Variants in CELF2 observed in about 807,000 individuals in gnomAD.
CELF2 encodes CUGBP Elav-like family member 2.
CELF2 carries 8 observed loss-of-function variants against 62.6 expected under a neutral mutation model. The observed-to-expected ratio is 0.13, with a 90% CI of 0.07 to 0.23. CELF2 has a LOEUF of 0.23. Among genes scored for constraint, CELF2 ranks in the 10% least tolerant of loss-of-function variants. The probability of loss-of-function intolerance (pLI) is 1.00; values close to 1 mark genes in which losing one functional copy is unlikely to be tolerated. For missense variants in CELF2, 333 were observed against 671.0 expected, an observed-to-expected ratio of 0.50 and a Z score of 5.56; for synonymous variants, 258 against 250.0, an observed-to-expected ratio of 1.03 and a Z score of -0.30.
Position 10,881,327 on chromosome 10 carries a change from A to G in CELF2, c.54-38637A>G, listed in dbSNP as rs77367948. Among the ~76,000 whole-genome samples the G allele has an allele frequency of 1.8e-4, 27 of 152,334 alleles. No individual in the cohort carries two copies. In the East Asian group the frequency reaches 5.2e-3, roughly 29 times the overall value. ...ACAGTTGCCTTAAAATCTGAAAGCC[A>G]TCTGGCTGCGTACAGAATTCATGAG... On this transcript the variant is annotated intron_variant, in intron 1 of 13. Transcript: ENST00000636488.
Position 11,306,436 on chromosome 10 carries a change from C to T in CELF2, c.977-7703C>T, listed in dbSNP as rs1474633121. On this transcript the variant is annotated intron_variant, in intron 9 of 12. Transcript: ENST00000633077. This position sits in a 1 kb window ranked among gnomAD's most constrained non-coding sequence, Gnocchi z 4.4. ...TGGAGAGTCTGGGTGTTGGTGGCAC[C>T]GCATGTGTCTCTGTCTAAGACCTCT... Among the ~76,000 whole-genome samples, 4 of 151,924 alleles carry T rather than the reference C, an allele frequency of 2.6e-5. No individual in the cohort carries two copies. Among genetic ancestry groups the T allele is most frequent in the South Asian group, 4.2e-4 (2 of 4,814 alleles).
intron 1 of CELF2, among the ~76,000 whole-genome samples, chr10:11,074,463 A>G (rs1344612268): frequency 6.6e-6 from 1 of 152,212 alleles, no homozygotes; most frequent in African/African-American, 2.4e-5. Context: ...TCCGTTTTCC[A>G]AATATCTTAG....
intron 9 of CELF2, 132 bp downstream of exon 9, chr10:11,288,684 A>G: frequency 1.0e-6 from 1 of 952,660 alleles, no homozygotes; most frequent in Non-Finnish European, 1.5e-6. Flanking sequence ...GGGCTGCTTT[A>G]TGTCATTGGG....
At chr10:10,561,360 G>T in the CELF2 span, among the ~76,000 whole-genome samples, 29 of 152,132 alleles carry the variant, frequency 1.9e-4, no homozygotes, top group Non-Finnish European at 3.2e-4. Context: ...GCTCCTATGT[G>T]TTGGAAAGTA....
At chr10:10,899,922 G>T (rs1203107518) in intron 1 of CELF2, among the ~76,000 whole-genome samples, 1 of 152,194 alleles carries the variant, frequency 6.6e-6, no homozygotes, top group African/African-American at 2.4e-5. Context: ...ATTACAATTT[G>T]ACATGAGATT....
intron 1 of CELF2, among the ~76,000 whole-genome samples, chr10:11,037,219 G>A (rs2061101327): frequency 6.6e-6 from 1 of 152,240 alleles, no homozygotes. Context: ...GCAAGCAAGA[G>A]CACATGTGCA....
At chr10:10,635,024 G>A in the CELF2 span, among the ~76,000 whole-genome samples, 2 of 152,114 alleles carry the variant, frequency 1.3e-5, no homozygotes, top group African/African-American at 4.8e-5. Flanking sequence ...CAGAAGAGAT[G>A]GACAAAGGGT....
At chr10:11,235,507 T>C (rs2070868935) in intron 3 of CELF2, among the ~76,000 whole-genome samples, 1 of 152,206 alleles carries the variant, frequency 6.6e-6, no homozygotes, top group South Asian at 2.1e-4. Flanking sequence ...CCAACCAGTA[T>C]TTTCCAAAGT....
At chr10:11,030,784 C>T (rs937142668) in intron 1 of CELF2, 1 of 152,194 alleles carries the variant, frequency 6.6e-6, no homozygotes, top group African/African-American at 2.4e-5. Context: ...TTGTTCTGTG[C>T]TCTTCCACAT....
rs577957822 is a variant in CELF2, at chr10:11,285,370, G to C, written c.842-3048G>C. Among the ~76,000 whole-genome samples the C allele has an allele frequency of 4.6e-5, 7 of 152,132 alleles. No homozygotes were observed. The highest frequency in any genetic ancestry group is 1.7e-4 in the African/African-American group (7 of 41,388). On this transcript the variant is annotated intron_variant, in intron 8 of 12. Coordinates refer to ENST00000633077, the MANE Select transcript of CELF2 (RefSeq NM_001326342.2). The surrounding 1 kb of genome is among the most constrained non-coding windows in gnomAD (Gnocchi z 4.3). ...AGCTATGCCCCCGTGTGGTGCCTCAGAGACTCAGCCACTCCCCCTGGACTT... is the reference window on the plus strand; with the variant it reads ...AGCTATGCCCCCGTGTGGTGCCTCACAGACTCAGCCACTCCCCCTGGACTT...
At chr10:10,646,116 A>G in the CELF2 span, among the ~76,000 whole-genome samples, 1 of 152,190 alleles carries the variant, frequency 6.6e-6, no homozygotes, top group Non-Finnish European at 1.5e-5. Flanking sequence ...GTTACTAGGC[A>G]TGTGTTGGTC....
the CELF2 span, among the ~76,000 whole-genome samples, chr10:10,573,521 C>G: frequency 6.6e-6 from 1 of 152,144 alleles, no homozygotes; most frequent in Non-Finnish European, 1.5e-5. Flanking sequence ...GGGTGGTAAT[C>G]TGTACCAAAG....
chr10:10,654,130 C>A, the CELF2 span, among the ~76,000 whole-genome samples: 31 of 143,964 alleles, frequency 2.2e-4, 1 homozygote, highest in Admixed American at 8.3e-4. Context: ...GAAATGGATA[C>A]ATTCCTTGAC....
chr10:11,230,658 G>A (rs947749456), intron 3 of CELF2, among the ~76,000 whole-genome samples: 1 of 152,212 alleles, frequency 6.6e-6, no homozygotes, highest in Admixed American at 6.5e-5. Flanking sequence ...ATCCTTGAAT[G>A]AGCAACTGGG....
chr10:11,166,550 T>G (rs563565096), intron 2 of CELF2, among the ~76,000 whole-genome samples: 28 of 152,312 alleles, frequency 1.8e-4, no homozygotes, highest in African/African-American at 6.5e-4. Context: ...CGTTTTTGCT[T>G]TAGTAATTTT....
intron 1 of CELF2, among the ~76,000 whole-genome samples, chr10:11,093,028 TAGG>T (rs1257469572): frequency 1.3e-5 from 2 of 152,238 alleles, no homozygotes; most frequent in Admixed American, 6.5e-5. Flanking sequence ...TGTGTAATAA[TAGG>T]AGGCTGTACG....
At chr10:10,875,407 A>G (rs1764484007) in intron 1 of CELF2, among the ~76,000 whole-genome samples, 1 of 152,188 alleles carries the variant, frequency 6.6e-6, no homozygotes, top group African/African-American at 2.4e-5. Context: ...GGATTTTTAT[A>G]TAGTCTGCTC....
At chr10:10,486,456 T>G in the CELF2 span, among the ~76,000 whole-genome samples, 1 of 152,232 alleles carries the variant, frequency 6.6e-6, no homozygotes, top group African/African-American at 2.4e-5. Flanking sequence ...AAGTAACTTT[T>G]ACATTTTACA....
At chr10:10,617,109 T>A in the CELF2 span, among the ~76,000 whole-genome samples, 1 of 152,236 alleles carries the variant, frequency 6.6e-6, no homozygotes, top group East Asian at 1.9e-4. Flanking sequence ...AATAACAATT[T>A]TACATACAGC....
Sources: allele counts gnomAD v4.1 joint callset (sites outside exome capture counted in the v4.1 genomes callset), GRCh38; gene constraint gnomAD v4.1.1; non-coding constraint Gnocchi (gnomAD v3.1); transcripts MANE v1.5; gene names NCBI Gene and HGNC (gene_info 2026-07-23, HGNC 2026-07-21).